SSH2: variants seen among roughly 807,000 people sequenced by gnomAD.
SSH2 encodes protein phosphatase Slingshot homolog 2.
In SSH2, 37 loss-of-function variants were observed where a neutral mutation model predicts 135.2. The ratio of observed to expected loss-of-function variants is 0.27; its 90% CI spans 0.21 to 0.36. SSH2 has a LOEUF of 0.36. SSH2 is among the 10% of genes least tolerant of loss of function. SSH2 has a pLI of 1.00. For missense variants in SSH2, 1,408 were observed against 1,765.3 expected (o/e 0.80, Z 3.63); for synonymous variants, 628 against 646.2 (o/e 0.97, Z 0.43).
At chr17:29,768,899 A>G (rs994449205) in intron 3 of SSH2, among the ~76,000 whole-genome samples, 1 of 152,096 alleles carries the variant, frequency 6.6e-6, no homozygotes, top group Non-Finnish European at 1.5e-5. Context: ...GCTGACATTC[A>G]GTGTGTGTCA....
intron 11 of SSH2, among the ~76,000 whole-genome samples, chr17:29,656,287 C>T: frequency 6.6e-6 from 1 of 152,180 alleles, no homozygotes; most frequent in Non-Finnish European, 1.5e-5. Flanking sequence ...AGCAATTCTC[C>T]TGCCTCAGCC....
chr17:29,813,775 G>A (rs1398377796), intron 2 of SSH2, among the ~76,000 whole-genome samples: 11 of 150,278 alleles, frequency 7.3e-5, no homozygotes, highest in Admixed American at 3.3e-4. Flanking sequence ...CTGAGATTGC[G>A]CCACTGCACT....
At chr17:29,711,989 T>C (rs1236053839) in intron 3 of SSH2, among the ~76,000 whole-genome samples, 1 of 152,230 alleles carries the variant, frequency 6.6e-6, no homozygotes, top group African/African-American at 2.4e-5. Context: ...TGACGACATG[T>C]TCCCAATGTG....
chr17:29,761,572 C>A (rs918264858), intron 3 of SSH2: 11 of 322,618 alleles, frequency 3.4e-5, no homozygotes, highest in Middle Eastern at 1.5e-3. Flanking sequence ...CGCGTCACAG[C>A]CTTTAGGGCA....
chr17:29,636,061 AG>A lies in SSH2; in HGVS notation c.2168del (p.Pro723LeufsTer4). On this transcript the variant is annotated frameshift_variant, in exon 15 of 16. Coordinates refer to ENST00000540801, the MANE Select transcript of SSH2 (RefSeq NM_001282129.2). LOFTEE classifies it high-confidence loss of function. Reference sequence around the variant, plus strand: ...TCTGGTCATCAGCTGTCACTTTGGAAGGGGCTACTTCTACCACTGACAGTCG... The same window carrying A: ...TCTGGTCATCAGCTGTCACTTTGGAAGGGCTACTTCTACCACTGACAGTCG... ...SCRLSVVEVA[P>X]SKVTADDQRS... 6.2e-7 allele frequency: 1 copy of A among 1,614,226 alleles called. No homozygotes were observed. The highest frequency in any genetic ancestry group is 8.5e-7 in the Non-Finnish European group (1 of 1,180,034).
intron 1 of SSH2, among the ~76,000 whole-genome samples, chr17:29,889,953 C>G (rs2066318162): frequency 6.6e-6 from 1 of 151,478 alleles, no homozygotes; most frequent in South Asian, 2.1e-4. Flanking sequence ...AGCAAGACCC[C>G]AGTCTCTAAA....
Position 29,636,332 on chromosome 17 carries a change from A to C in SSH2, c.1898T>G (p.Met633Arg), listed in dbSNP as rs753923653. 6.2e-7 allele frequency: 1 copy of C among 1,614,178 alleles called. No individual in the cohort carries two copies. The highest frequency in any genetic ancestry group is 1.1e-5 in the South Asian group (1 of 91,088). ...DLETDALKADMNVHLLPMEEL... is the reference protein window; with the variant it reads ...DLETDALKADRNVHLLPMEEL... ...TTCCATAGGCAGTAGGTGGACATTC[A>C]TGTCTGCTTTCAGTGCATCTGTCTC... The change falls in exon 15 of 16, where the codon ATG becomes AGG. Residue 633 changes from methionine (M) to arginine (R), a missense_variant. Physicochemically the swap from Met to Arg is moderately conservative, Grantham distance 91. This residue lies in a region of SSH2 where 1,080 missense variants were observed against 1,144.5 expected (regional missense o/e 0.94). Coordinates refer to ENST00000540801, the MANE Select transcript of SSH2 (RefSeq NM_001282129.2).
chr17:29,687,424 G>A (rs998715761), intron 5 of SSH2, among the ~76,000 whole-genome samples: 1 of 152,170 alleles, frequency 6.6e-6, no homozygotes, highest in African/African-American at 2.4e-5. Flanking sequence ...TTGACTTCAT[G>A]TTCCATGAAG....
chr17:29,841,353 TTACTC>T (rs1476267970), intron 2 of SSH2, among the ~76,000 whole-genome samples: 7 of 152,202 alleles, frequency 4.6e-5, no homozygotes, highest in African/African-American at 1.7e-4. Context: ...TATTTTTTCT[TTACTC>T]TAGCTCCCTA....
Position 29,836,546 on chromosome 17 carries a change from T to C in SSH2, c.144+12303A>G, listed in dbSNP as rs969459634. Among the ~76,000 whole-genome samples the C allele has an allele frequency of 3.3e-5, 5 of 152,216 alleles. No homozygotes were observed. The East Asian group carries it at 9.6e-4, about 29-fold the overall frequency. On this transcript the variant is annotated intron_variant, in intron 2 of 15. Coordinates refer to ENST00000540801, the MANE Select transcript of SSH2 (RefSeq NM_001282129.2). ...AAGAATATCTCTTCTAGAACAGGGA[T>C]AAATACTACTGACATCAGAAATGTA...
At chr17:29,667,711 T>C (rs1383849825) in intron 9 of SSH2, among the ~76,000 whole-genome samples, 1 of 152,190 alleles carries the variant, frequency 6.6e-6, no homozygotes, top group Non-Finnish European at 1.5e-5. Flanking sequence ...AATGCTTTCC[T>C]TTTAATGACA....
chr17:29,676,926 G>A, intron 7 of SSH2, 41 bp from the exon 8 acceptor site: 3 of 1,552,612 alleles, frequency 1.9e-6, no homozygotes, highest in Non-Finnish European at 2.7e-6. Flanking sequence ...CACAAATTAG[G>A]GTAGGTTATT....
intron 1 of SSH2, among the ~76,000 whole-genome samples, chr17:29,913,791 C>G (rs566289441): frequency 1.3e-5 from 2 of 151,978 alleles, no homozygotes; most frequent in Non-Finnish European, 2.9e-5. Context: ...AGCACCACCA[C>G]GCCGGCCTAA....
intron 2 of SSH2, among the ~76,000 whole-genome samples, chr17:29,816,651 T>G (rs2042564806): frequency 6.6e-6 from 1 of 152,028 alleles, no homozygotes; most frequent in Non-Finnish European, 1.5e-5. Context: ...GTCACTTAAC[T>G]TTATTGGGCT....
chr17:29,870,278 TAAA>T (rs34621507), intron 1 of SSH2, among the ~76,000 whole-genome samples: 3 of 144,218 alleles, frequency 2.1e-5, no homozygotes. Context: ...GCAGAATAGG[TAAA>T]AAAAAAAAAA....
At chr17:29,706,307 CTTTGAGGTAACCTGCCAAA>C (rs2039196757) in intron 3 of SSH2, among the ~76,000 whole-genome samples, 1 of 152,148 alleles carries the variant, frequency 6.6e-6, no homozygotes, top group African/African-American at 2.4e-5. Context: ...CTAATAAAAC[CTTTGAGGTAACCTGCCAAA>C]TAGACTGAAA....
chr17:29,644,062 G>A (rs1424049215), intron 14 of SSH2, among the ~76,000 whole-genome samples: 1 of 152,208 alleles, frequency 6.6e-6, no homozygotes, highest in Non-Finnish European at 1.5e-5. Context: ...TTACCACTGA[G>A]CCACTACAGA....
At chr17:29,783,156 G>A (rs2244247) in intron 3 of SSH2, among the ~76,000 whole-genome samples, 67,182 of 151,418 alleles carry the variant, frequency 0.44, 15,261 homozygotes, top group Non-Finnish European at 0.49. Context: ...TCCTGAGTGG[G>A]GGCCACAGAA....
At chr17:29,871,360 T>G (rs1405617805) in intron 1 of SSH2, among the ~76,000 whole-genome samples, 3 of 152,190 alleles carry the variant, frequency 2.0e-5, no homozygotes, top group African/African-American at 7.2e-5. Context: ...TTCAGAGAAC[T>G]GGCAAATTTA....
Sources: allele counts gnomAD v4.1 joint callset (sites outside exome capture counted in the v4.1 genomes callset), GRCh38; gene constraint gnomAD v4.1.1; regional missense constraint gnomAD v4.1.1; transcripts MANE v1.5; gene names NCBI Gene and HGNC (gene_info 2026-07-23, HGNC 2026-07-21).